Variants in TRAPPC9 observed in about 807,000 individuals in gnomAD.
The protein encoded by TRAPPC9 is IKK2 binding protein.
TRAPPC9 carries 83 observed loss-of-function variants against 124.0 expected under a neutral mutation model. The observed-to-expected ratio is 0.67, with a 90% CI of 0.56 to 0.80. The LOEUF is 0.80. TRAPPC9 is among the 30% of genes least tolerant of loss of function. The pLI, the probability that TRAPPC9 is intolerant of heterozygous loss-of-function variation, is 0.00. For synonymous variants in TRAPPC9, 638 were observed against 617.5 expected (o/e 1.03, Z -0.49); for missense variants, 1,302 against 1,508.3 (o/e 0.86, Z 2.27).
At chr8:140,066,259 CACT>C (rs67365630) in intron 17 of TRAPPC9, among the ~76,000 whole-genome samples, 63,364 of 151,750 alleles carry the variant, frequency 0.42, 14,313 homozygotes, top group Middle Eastern at 0.56. Context: ...TGAAATCCAC[CACT>C]GATGAACAGG....
chr8:140,191,314 G>A (rs908337712), intron 17 of TRAPPC9, among the ~76,000 whole-genome samples: 2 of 152,180 alleles, frequency 1.3e-5, no homozygotes, highest in South Asian at 2.1e-4. Flanking sequence ...TACTAATAGT[G>A]GTGAAGTCAG....
intron 17 of TRAPPC9, among the ~76,000 whole-genome samples, chr8:140,062,775 CAGAA>C (rs1317846346): frequency 1.3e-5 from 2 of 152,158 alleles, no homozygotes; most frequent in African/African-American, 4.8e-5. Context: ...TGGTGGCACT[CAGAA>C]AGCTTCTGAG....
At chr8:140,456,646 T>C (rs986722967) in intron 1 of TRAPPC9, among the ~76,000 whole-genome samples, 1 of 152,102 alleles carries the variant, frequency 6.6e-6, no homozygotes, top group East Asian at 1.9e-4. Flanking sequence ...AGGACGGCAA[T>C]GTTCCTGGGC....
At chr8:140,412,844 C>T (rs539019302) in intron 5 of TRAPPC9, among the ~76,000 whole-genome samples, 32 of 151,846 alleles carry the variant, frequency 2.1e-4, no homozygotes, top group Admixed American at 1.6e-3. Flanking sequence ...AAGACAAAAG[C>T]GCTAAAACAT....
intron 5 of TRAPPC9, among the ~76,000 whole-genome samples, chr8:140,412,870 T>G (rs1006766675): frequency 2.0e-5 from 3 of 151,954 alleles, no homozygotes; most frequent in African/African-American, 7.3e-5. Context: ...ACTGGGAATA[T>G]AAATGAAATG....
chr8:140,385,252 TA>T (rs2068723658), intron 7 of TRAPPC9, among the ~76,000 whole-genome samples: 1 of 151,998 alleles, frequency 6.6e-6, no homozygotes, highest in South Asian at 2.1e-4. Context: ...ACATCGTAAT[TA>T]AAAGAACTAG....
At position 140,182,196 on chromosome 8, in the gene TRAPPC9, T is replaced by C. The variant is rs1190259329; in HGVS notation, c.2556+39263A>G. On this transcript the variant is annotated intron_variant, in intron 17 of 22. Coordinates refer to ENST00000438773, the MANE Select transcript of TRAPPC9 (RefSeq NM_001160372.4). The surrounding 1 kb of genome is among the most constrained non-coding windows in gnomAD (Gnocchi z 4.0). ...TCTTTGCTTCAGGTACCCGGAAATC[T>C]TGCTTTCCAGTGCATACATTTATCC... is the stretch of plus-strand genomic sequence containing the variant. Among the ~76,000 whole-genome samples, 3 of 152,196 alleles carry C rather than the reference T, an allele frequency of 2.0e-5. No individual in the cohort carries two copies. The highest frequency in any genetic ancestry group is 4.4e-5 in the Non-Finnish European group (3 of 68,032).
At chr8:140,131,189 A>C (rs1407486680) in intron 17 of TRAPPC9, among the ~76,000 whole-genome samples, 1 of 146,442 alleles carries the variant, frequency 6.8e-6, no homozygotes, top group Non-Finnish European at 1.6e-5. Flanking sequence ...ACTGCAATAC[A>C]CATCAGTATG....
intron 17 of TRAPPC9, among the ~76,000 whole-genome samples, chr8:140,031,680 T>C (rs1266158674): frequency 2.0e-5 from 3 of 152,256 alleles, no homozygotes; most frequent in Non-Finnish European, 2.9e-5. Flanking sequence ...ACCATTACTT[T>C]CCAGTTAATT....
At chr8:140,159,819 C>T (rs2061714089) in intron 17 of TRAPPC9, among the ~76,000 whole-genome samples, 2 of 152,238 alleles carry the variant, frequency 1.3e-5, no homozygotes, top group South Asian at 2.1e-4. Flanking sequence ...CAATGTTCCA[C>T]ATCGCCTGCC....
In TRAPPC9 at chr8:139,742,010, G is replaced by C. The variant is rs1027592416; in HGVS notation, c.3056-9808C>G. ...TGGAGAAGATTTTGTGTGGACACAG[G>C]TTATTATTTCTCATGGGTGTACACC... On this transcript the variant is annotated intron_variant, in intron 21 of 22. Transcript: ENST00000438773. The surrounding 1 kb of genome is among the most constrained non-coding windows in gnomAD (Gnocchi z 4.7). Among the ~76,000 whole-genome samples, 11 of 152,212 alleles carry C rather than the reference G, an allele frequency of 7.2e-5. No homozygotes were observed. Among genetic ancestry groups the C allele is most frequent in the Non-Finnish European group, 1.2e-4 (8 of 68,044 alleles).
chr8:140,081,640 C>T (rs1214679929), intron 17 of TRAPPC9, among the ~76,000 whole-genome samples: 4 of 152,126 alleles, frequency 2.6e-5, no homozygotes, highest in South Asian at 2.1e-4. Context: ...GCACTGCGCC[C>T]GGCCAATCAG....
intron 15 of TRAPPC9, among the ~76,000 whole-genome samples, chr8:140,269,146 A>T (rs1045293417): frequency 1.3e-5 from 2 of 152,156 alleles, no homozygotes; most frequent in African/African-American, 4.8e-5. Flanking sequence ...CATGTATTTT[A>T]CCAAAAAAAA....
intron 17 of TRAPPC9, among the ~76,000 whole-genome samples, chr8:140,168,348 T>A (rs1284730679): frequency 1.4e-5 from 2 of 140,640 alleles, no homozygotes; most frequent in Non-Finnish European, 3.1e-5. Flanking sequence ...ACCACCTCTA[T>A]CCAGTTCTAA....
At chr8:139,739,116 G>A (rs186212824) in intron 21 of TRAPPC9, among the ~76,000 whole-genome samples, 4 of 152,204 alleles carry the variant, frequency 2.6e-5, no homozygotes, top group East Asian at 3.9e-4. Flanking sequence ...CATCTCGACC[G>A]GGCACCACGG....
intron 5 of TRAPPC9, among the ~76,000 whole-genome samples, chr8:140,413,845 A>G (rs575069093): frequency 6.6e-6 from 1 of 151,592 alleles, no homozygotes; most frequent in South Asian, 2.1e-4. Flanking sequence ...TGAACTCATC[A>G]TTTTTTATGG....
intron 18 of TRAPPC9, among the ~76,000 whole-genome samples, chr8:140,011,273 C>T (rs1307901390): frequency 1.3e-5 from 2 of 151,752 alleles, no homozygotes; most frequent in East Asian, 3.9e-4. Flanking sequence ...ACCCAGGAGG[C>T]AGAGGTTGCA....
chr8:139,829,197 C>A (rs998641421), intron 21 of TRAPPC9, among the ~76,000 whole-genome samples: 1 of 152,168 alleles, frequency 6.6e-6, no homozygotes, highest in African/African-American at 2.4e-5. Flanking sequence ...ACGGAGACGC[C>A]CTTCCGGAGG....
chr8:140,412,831 G>A lies in TRAPPC9; in HGVS notation c.887-7133C>T, dbSNP rs192801919. Among the ~76,000 whole-genome samples the A allele has an allele frequency of 4.4e-3, 674 of 152,086 alleles. 7 individuals are homozygous for A. Among genetic ancestry groups the A allele is most frequent in the South Asian group, 0.023 (111 of 4,814 alleles). ...TTATATTAAAAACAGGATGTATTTC[G>A]TAAAGACAAAAGCGCTAAAACATAT... On this transcript the variant is annotated intron_variant, in intron 5 of 22. Coordinates refer to ENST00000438773, the MANE Select transcript of TRAPPC9 (RefSeq NM_001160372.4).
Sources: allele counts gnomAD v4.1 joint callset (sites outside exome capture counted in the v4.1 genomes callset), GRCh38; gene constraint gnomAD v4.1.1; non-coding constraint Gnocchi (gnomAD v3.1); transcripts MANE v1.5; gene names NCBI Gene and HGNC (gene_info 2026-07-23, HGNC 2026-07-21).